The following ADCY3 variants were observed in gnomAD, a reference collection of about 807,000 sequenced individuals.
The protein encoded by ADCY3 is adenylate cyclase type 3.
Under a neutral mutation model 119.4 loss-of-function variants are expected in ADCY3, and 70 were observed. That is an observed-to-expected ratio of 0.59 (90% confidence interval 0.48 to 0.72). The LOEUF is 0.72. Among genes scored for constraint, ADCY3 ranks in the 30% least tolerant of loss-of-function variants. The pLI is 0.00. For missense variants in ADCY3, 1,238 were observed against 1,541.6 expected, an observed-to-expected ratio of 0.80 and a Z score of 3.30; for synonymous variants, 672 against 621.4, an observed-to-expected ratio of 1.08 and a Z score of -1.21.
intron 3 of ADCY3, among the ~76,000 whole-genome samples, chr2:24,851,949 G>A (rs1397942687): frequency 6.6e-6 from 1 of 152,190 alleles, no homozygotes; most frequent in African/African-American, 2.4e-5. Flanking sequence ...ATTGGAGACT[G>A]AGTCCCCATA....
In ADCY3 at chr2:24,826,221, C is replaced by A. The variant is rs1668597098; in HGVS notation, c.2496-95G>T. On this transcript the variant is annotated intron_variant, in intron 15 of 21. Coordinates refer to ENST00000679454, the MANE Select transcript of ADCY3 (RefSeq NM_004036.5). ...ACTAGATGGTGCTGCTTCCTGCCAC[C>A]CCAGCCCTAGAGCTCACCCCGGCTC... The A allele has an allele frequency of 3.5e-6, 4 of 1,141,464 alleles. No homozygotes were observed. In the South Asian group the frequency reaches 5.4e-5, roughly 15 times the overall value. 70.7% of individuals were successfully genotyped at this position (1,141,464 alleles called of 1,614,324 possible). A position where few individuals can be genotyped will look rare whatever the true frequency, so the allele number is the denominator to read the frequency against.
In ADCY3 at chr2:24,842,226, T is replaced by A; in HGVS notation, c.956+28A>T. ...CAGCCCTCCACAGCCTGCTCTGCCATCAGAGCCCGCGCCCCGGGCCGGCGT... is the reference window on the plus strand; with the variant it reads ...CAGCCCTCCACAGCCTGCTCTGCCAACAGAGCCCGCGCCCCGGGCCGGCGT... On this transcript the variant is annotated intron_variant, in intron 4 of 21. Coordinates refer to ENST00000679454, the MANE Select transcript of ADCY3 (RefSeq NM_004036.5). The surrounding 1 kb of genome is among the most constrained non-coding windows in gnomAD (Gnocchi z 4.9). The A allele has an allele frequency of 6.2e-7, 1 of 1,613,314 alleles. No homozygotes were observed. The highest frequency in any genetic ancestry group is 1.3e-5 in the African/African-American group (1 of 75,034).
rs556248650 is a variant in ADCY3, at chr2:24,820,835, G to C, written c.3141C>G (p.Gly1047=). 6.2e-7 allele frequency: 1 copy of C among 1,613,918 alleles called. No homozygotes were observed. Among genetic ancestry groups the C allele is most frequent in the Non-Finnish European group, 8.5e-7 (1 of 1,179,934 alleles). The change falls in exon 21 of 22, where the codon GGC becomes GGG. Residue 1047 remains glycine (G), a synonymous_variant. Transcript: ENST00000679454. ...CTCCGATGACCCCAGCCAGAACCCC[G>C]CCTTTGTTCATGCCTAGGGTAGAGG... The part of the protein sequence containing the change: ...NFMLRIGMNK[G]GVLAGVIGAR...
rs1260310933 is a variant in ADCY3 at position 24,856,390 on chromosome 2, AC to A, written c.826-14007del. Among the ~76,000 whole-genome samples the A allele has an allele frequency of 3.9e-5, 6 of 152,312 alleles. No homozygotes were observed. The East Asian group carries it at 9.6e-4, about 24-fold the overall frequency. Reference sequence around the variant, plus strand: ...GTAACCCATCACAGGCTGTGAGCATACCCACAGATGTTTCACAAACCAGTCT... The same window carrying A: ...GTAACCCATCACAGGCTGTGAGCATACCACAGATGTTTCACAAACCAGTCT... On this transcript the variant is annotated intron_variant, in intron 3 of 21. Transcript: ENST00000679454.
chr2:24,820,163 A>G (rs1186511079), intron 21 of ADCY3, 49 bp from the exon 22 acceptor site: 14 of 1,108,856 alleles, frequency 1.3e-5, no homozygotes, highest in African/African-American at 3.3e-5. Context: ...GGGAGCCTAG[A>G]CTGAGGGCGG....
rs1274640494 is a variant in ADCY3 at position 24,842,507 on chromosome 2, CAG to C, written c.826-125_826-124del. 7.8e-7 allele frequency: 1 copy of C among 1,281,310 alleles called. No homozygotes were observed. The highest frequency in any genetic ancestry group is 2.5e-5 in the East Asian group (1 of 39,788). 79.4% of individuals were successfully genotyped at this position (1,281,310 alleles called of 1,614,324 possible). ...GTGAGCAGGGAACCATGCTGCCCTC[CAG>C]AGAGACCTCACAGATCTGCCTCGGG... is the stretch of plus-strand genomic sequence containing the variant. On this transcript the variant is annotated intron_variant, in intron 3 of 21. Coordinates refer to ENST00000679454, the MANE Select transcript of ADCY3 (RefSeq NM_004036.5). The surrounding 1 kb of genome is among the most constrained non-coding windows in gnomAD (Gnocchi z 4.9).
At chr2:24,856,927 T>C (rs546149740) in intron 3 of ADCY3, among the ~76,000 whole-genome samples, 20 of 152,266 alleles carry the variant, frequency 1.3e-4, no homozygotes, top group African/African-American at 4.8e-4. Context: ...GCTGCATAAC[T>C]GTAAAAGTCA....
intron 11 of ADCY3, among the ~76,000 whole-genome samples, chr2:24,832,434 C>G (rs1669724678): frequency 6.6e-6 from 1 of 152,160 alleles, no homozygotes; most frequent in Admixed American, 6.5e-5. Context: ...GACAGCCACC[C>G]CCAGCTTCAC....
intron 2 of ADCY3, among the ~76,000 whole-genome samples, chr2:24,902,349 G>C (rs1035272814): frequency 5.3e-5 from 8 of 152,066 alleles, no homozygotes; most frequent in Non-Finnish European, 8.8e-5. Flanking sequence ...CCAAAGTGTT[G>C]AGATTATAGA....
intron 2 of ADCY3, among the ~76,000 whole-genome samples, chr2:24,914,184 C>T (rs985270958): frequency 2.6e-5 from 4 of 152,216 alleles, no homozygotes; most frequent in African/African-American, 9.6e-5. Flanking sequence ...TCCTCCTGAT[C>T]CATCTGTCCT....
chr2:24,888,068 C>T, intron 2 of ADCY3, among the ~76,000 whole-genome samples: 1 of 152,232 alleles, frequency 6.6e-6, no homozygotes, highest in Non-Finnish European at 1.5e-5. Flanking sequence ...TCTAAGGCTC[C>T]ATCCTCAAAC....
At chr2:24,838,885 G>T (rs760499634) in intron 7 of ADCY3, 3 of 1,579,796 alleles carry the variant, frequency 1.9e-6, no homozygotes, top group Non-Finnish European at 2.6e-6. Flanking sequence ...CGACACAGGA[G>T]TACAATCTTT....
intron 16 of ADCY3, 23 bp downstream of exon 16, chr2:24,826,022 G>A: frequency 1.2e-6 from 2 of 1,610,858 alleles, no homozygotes; most frequent in South Asian, 1.1e-5. Context: ...GCACAGAGCG[G>A]GGATCGTGCA....
chr2:24,830,011 TC>T (rs1429362252), intron 13 of ADCY3, among the ~76,000 whole-genome samples: 1 of 150,872 alleles, frequency 6.6e-6, no homozygotes, highest in Non-Finnish European at 1.5e-5. Context: ...CTCTGTCACT[TC>T]CTGGCTGTGT....
intron 2 of ADCY3, among the ~76,000 whole-genome samples, chr2:24,902,856 C>A (rs1679061874): frequency 6.6e-6 from 1 of 152,074 alleles, no homozygotes; most frequent in Non-Finnish European, 1.5e-5. Flanking sequence ...ATGGTGAAAC[C>A]CCGTCTCTAC....
At position 24,831,707 on chromosome 2, in the gene ADCY3, C is replaced by G. The variant is rs561357163; in HGVS notation, c.2010G>C (p.Leu670=). The G allele has an allele frequency of 1.2e-6, 2 of 1,613,958 alleles. No individual in the cohort carries two copies. Among genetic ancestry groups the G allele is most frequent in the South Asian group, 2.2e-5 (2 of 91,074 alleles). ...NYVTFMVGEI[L]LLILTICSLA... is the part of the protein sequence containing the mutation. ...GGGAGCAGATGGTCAGGATGAGGAG[C>G]AGAATCTCCCCCACCATGAAGGTCA... The change falls in exon 12 of 22, where the codon CTG becomes CTC. Residue 670 remains leucine, a synonymous_variant. Transcript: ENST00000679454.
intron 21 of ADCY3, 199 bp downstream of exon 21, chr2:24,820,525 A>G: frequency 7.1e-7 from 1 of 1,405,922 alleles, no homozygotes; most frequent in South Asian, 1.5e-5. Flanking sequence ...TTCAGCCCAG[A>G]TTTTGTGGAT....
intron 2 of ADCY3, among the ~76,000 whole-genome samples, chr2:24,900,195 C>A (rs1678742743): frequency 6.8e-6 from 1 of 147,622 alleles, no homozygotes; most frequent in Non-Finnish European, 1.5e-5. Context: ...ACTGCAACCT[C>A]CGCCTCCCAG....
chr2:24,853,609 G>A (rs900305525), intron 3 of ADCY3, among the ~76,000 whole-genome samples: 1 of 151,450 alleles, frequency 6.6e-6, no homozygotes, highest in Non-Finnish European at 1.5e-5. Context: ...AGGTGGGACT[G>A]CAGGTGCACA....
Sources: allele counts gnomAD v4.1 joint callset (sites outside exome capture counted in the v4.1 genomes callset), GRCh38; gene constraint gnomAD v4.1.1; non-coding constraint Gnocchi (gnomAD v3.1); transcripts MANE v1.5; gene names NCBI Gene and HGNC (gene_info 2026-07-23, HGNC 2026-07-21).